AEBP2: variants seen among roughly 807,000 people sequenced by gnomAD.
AEBP2 encodes zinc finger protein AEBP2.
Under a neutral mutation model 50.8 loss-of-function variants are expected in AEBP2, and 10 were observed. That is an observed-to-expected ratio of 0.20 (90% confidence interval 0.12 to 0.33). The LOEUF is 0.33. AEBP2 is among the 10% of genes least tolerant of loss of function. The pLI is 1.00. For synonymous variants in AEBP2, 296 were observed against 261.3 expected, an observed-to-expected ratio of 1.13 and a Z score of -1.28; for missense variants, 570 against 688.0, an observed-to-expected ratio of 0.83 and a Z score of 1.92.
intron 3 of AEBP2, among the ~76,000 whole-genome samples, chr12:19,492,636 C>T (rs965755179): frequency 2.0e-5 from 3 of 150,744 alleles, no homozygotes; most frequent in Non-Finnish European, 3.0e-5. Flanking sequence ...AAATGTAGTC[C>T]GTATGGGTTT....
At position 19,439,726 on chromosome 12, in the gene AEBP2, C is replaced by A. The variant is rs1380912615; in HGVS notation, c.27C>A (p.Ala9=). The change falls in exon 1 of 8, where the codon GCC becomes GCA. Residue 9 remains alanine (A), a synonymous_variant. Coordinates refer to ENST00000266508, the MANE Select transcript of AEBP2 (RefSeq NM_153207.5). MAAAITDM[A]DLEELSRLSP... ...TGGCCGCCGCTATCACCGACATGGC[C>A]GACCTGGAGGAGCTCTCCCGCCTGA... is the stretch of plus-strand genomic sequence containing the variant. The A allele has an allele frequency of 2.0e-6, 3 of 1,516,844 alleles. No homozygotes were observed. The South Asian group carries it at 3.6e-5, about 18-fold the overall frequency. The allele number at this position is 1,516,844 out of a possible 1,614,324, so 94.0% of individuals were successfully genotyped here. A position where few individuals can be genotyped will look rare whatever the true frequency, so the allele number is the denominator to read the frequency against.
At chr12:19,476,453 C>T (rs999766250) in intron 3 of AEBP2, among the ~76,000 whole-genome samples, 4 of 152,042 alleles carry the variant, frequency 2.6e-5, no homozygotes, top group African/African-American at 4.8e-5. Context: ...GCAATTCTCC[C>T]GCCTCAGACT....
chr12:19,504,448 G>T (rs141409315), intron 5 of AEBP2, among the ~76,000 whole-genome samples: 17 of 151,680 alleles, frequency 1.1e-4, no homozygotes, highest in Non-Finnish European at 2.2e-4. Context: ...CACCGTGTTA[G>T]CAAGGATGCT....
chr12:19,410,681 A>C (rs1363004502), intron 1 of AEBP2, among the ~76,000 whole-genome samples: 1 of 152,198 alleles, frequency 6.6e-6, no homozygotes, highest in African/African-American at 2.4e-5. Context: ...GTAGGTGTTC[A>C]GTAATTATTT....
intron 1 of AEBP2, among the ~76,000 whole-genome samples, chr12:19,412,168 A>T (rs2095739552): frequency 6.6e-6 from 1 of 152,248 alleles, no homozygotes; most frequent in African/African-American, 2.4e-5. Flanking sequence ...GGACTCTCAG[A>T]GGCCCTGGAA....
At chr12:19,436,485 A>G (rs761158994), upstream of AEBP2, among the ~76,000 whole-genome samples, 1 of 152,010 alleles carries the variant, frequency 6.6e-6, no homozygotes, top group African/African-American at 2.4e-5. Flanking sequence ...GACTTACCCC[A>G]AATTCTTTCT....
At position 19,439,535 on chromosome 12, in the gene AEBP2, G is replaced by A. The variant is rs1170322808; in HGVS notation, c.-165G>A. 1.1e-6 allele frequency: 1 copy of A among 896,876 alleles called. No homozygotes were observed. Among genetic ancestry groups the A allele is most frequent in the African/African-American group, 1.8e-5 (1 of 55,368 alleles). The allele number at this position is 896,876 out of a possible 1,614,324, so 55.6% of individuals were successfully genotyped here. A position where few individuals can be genotyped will look rare whatever the true frequency, so the allele number is the denominator to read the frequency against. On this transcript the variant is annotated 5_prime_UTR_variant, in exon 1 of 8. Transcript: ENST00000266508. Reference sequence around the variant, plus strand: ...CGTAGTCGCGCGCCTGTCCCCGCGCGGGCTCCGTAGCGCGTGTGCAGGCTG... The same window carrying A: ...CGTAGTCGCGCGCCTGTCCCCGCGCAGGCTCCGTAGCGCGTGTGCAGGCTG...
At chr12:19,442,194 A>G (rs1394372376) in intron 1 of AEBP2, among the ~76,000 whole-genome samples, 1 of 152,138 alleles carries the variant, frequency 6.6e-6, no homozygotes, top group Non-Finnish European at 1.5e-5. Context: ...GGATCACCTG[A>G]GTTGGGAGTT....
chr12:19,474,548 T>G (rs72640120), intron 3 of AEBP2, among the ~76,000 whole-genome samples: 7,291 of 152,262 alleles, frequency 0.048, 385 homozygotes, highest in Admixed American at 0.15. Context: ...TTCTAGTATT[T>G]CCTTATGCAA....
intron 1 of AEBP2, among the ~76,000 whole-genome samples, chr12:19,426,483 G>A (rs1355465032): frequency 6.6e-6 from 1 of 152,162 alleles, no homozygotes. Flanking sequence ...CTGGGTGTAA[G>A]ACAGCATAAA....
intron 1 of AEBP2, among the ~76,000 whole-genome samples, chr12:19,417,852 G>A (rs752847231): frequency 2.0e-5 from 3 of 151,420 alleles, no homozygotes; most frequent in Non-Finnish European, 4.4e-5. Flanking sequence ...CTATAGGCAT[G>A]TGCCACCACG....
intron 4 of AEBP2, among the ~76,000 whole-genome samples, chr12:19,496,075 T>C (rs950578436): frequency 8.5e-5 from 13 of 152,176 alleles, no homozygotes; most frequent in African/African-American, 2.9e-4. Flanking sequence ...CTCATTATTA[T>C]TTTAGTCTCA....
At chr12:19,438,560 T>G (rs1565701210), upstream of AEBP2, among the ~76,000 whole-genome samples, 1 of 152,184 alleles carries the variant, frequency 6.6e-6, no homozygotes, top group Non-Finnish European at 1.5e-5. Context: ...AAAATTTTGC[T>G]TTTGTGTTTA....
At chr12:19,439,134 T>C (rs1363475848), upstream of AEBP2, among the ~76,000 whole-genome samples, 3 of 152,224 alleles carry the variant, frequency 2.0e-5, no homozygotes, top group Non-Finnish European at 2.9e-5. Flanking sequence ...CGTAGTGTTT[T>C]AATTTTTGCC....
At chr12:19,416,128 G>A (rs1457284929) in intron 1 of AEBP2, among the ~76,000 whole-genome samples, 2 of 152,180 alleles carry the variant, frequency 1.3e-5, no homozygotes, top group Non-Finnish European at 2.9e-5. Flanking sequence ...GCCACAGTGA[G>A]CCACGATAGC....
chr12:19,443,394 G>T (rs1048595635), intron 1 of AEBP2, among the ~76,000 whole-genome samples: 3 of 151,570 alleles, frequency 2.0e-5, no homozygotes, highest in African/African-American at 7.3e-5. Context: ...GCCACCGCAG[G>T]CCATGTTAAA....
intron 5 of AEBP2, among the ~76,000 whole-genome samples, chr12:19,501,079 C>G (rs1038463354): frequency 6.6e-6 from 1 of 152,176 alleles, no homozygotes; most frequent in African/African-American, 2.4e-5. Context: ...CCTGTAATCC[C>G]AAAATTTTGG....
At chr12:19,469,057 T>C (rs989529871) in intron 2 of AEBP2, among the ~76,000 whole-genome samples, 2 of 152,166 alleles carry the variant, frequency 1.3e-5, no homozygotes, top group African/African-American at 4.8e-5. Flanking sequence ...CCCAAGTAGC[T>C]GGGATTACAG....
At chr12:19,460,631 C>G (rs1183807462) in intron 1 of AEBP2, among the ~76,000 whole-genome samples, 1 of 150,336 alleles carries the variant, frequency 6.7e-6, no homozygotes, top group Admixed American at 6.6e-5. Context: ...GGATTATAGG[C>G]GTGAGCCACC....
Sources: gnomAD v4.1 joint callset for allele counts (sites outside exome capture counted in the v4.1 genomes callset) on GRCh38, gnomAD v4.1.1 for gene constraint, MANE v1.5 for transcripts, NCBI Gene and HGNC (gene_info 2026-07-23, HGNC 2026-07-21) for gene names.